The following WDR33 variants were observed in gnomAD, a reference collection of about 807,000 sequenced individuals.
WDR33 encodes the protein pre-mRNA 3' end processing protein WDR33.
A neutral mutation model predicts 164.9 loss-of-function variants in WDR33; 47 were observed. The observed-to-expected ratio is 0.29, with a 90% confidence interval of 0.23 to 0.36. The LOEUF is 0.36. WDR33 is among the 10% of genes least tolerant of loss of function. The probability of loss-of-function intolerance (pLI) is 1.00; values close to 1 mark genes in which losing one functional copy is unlikely to be tolerated. For synonymous variants in WDR33, 505 were observed against 589.0 expected, an observed-to-expected ratio of 0.86 and a Z score of 2.06; for missense variants, 1,137 against 1,754.1, an observed-to-expected ratio of 0.65 and a Z score of 6.28.
At chr2:127,740,372 C>T (rs182042896) in intron 7 of WDR33, among the ~76,000 whole-genome samples, 7 of 150,242 alleles carry the variant, frequency 4.7e-5, no homozygotes, top group Non-Finnish European at 5.9e-5. Flanking sequence ...CACACACACA[C>T]GGATTTGTAT....
At chr2:127,788,253 C>G (rs1473906100) in intron 1 of WDR33, among the ~76,000 whole-genome samples, 306 of 128,484 alleles carry the variant, frequency 2.4e-3, no homozygotes, top group African/African-American at 6.4e-3. Context: ...GGGCTGACCC[C>G]CCCCACCTCC....
chr2:127,765,074 T>G, intron 5 of WDR33, 95 bp from the exon 6 acceptor site: 1 of 1,552,234 alleles, frequency 6.4e-7, no homozygotes. Context: ...GAGGTAATAA[T>G]TCGTCCCAAT....
intron 1 of WDR33, among the ~76,000 whole-genome samples, chr2:127,794,464 G>A (rs921210857): frequency 2.0e-5 from 3 of 151,612 alleles, no homozygotes; most frequent in South Asian, 2.1e-4. Context: ...TTGCACCATC[G>A]CACCCCAGCC....
rs563228595 is a variant in WDR33 at position 127,721,466 on chromosome 2, G to A, written c.1671+370C>T. ...AAGGAAGTCACTTAAAAAAAAATTA[G>A]TCAGACGTGATGGTGCATGCCTGTG... On this transcript the variant is annotated intron_variant, in intron 15 of 21. Coordinates refer to ENST00000322313, the MANE Select transcript of WDR33 (RefSeq NM_018383.5). The surrounding 1 kb of genome is among the most constrained non-coding windows in gnomAD (Gnocchi z 4.9). 7.9e-4 allele frequency among the ~76,000 whole-genome samples: 120 copies of A among 152,228 alleles called. No individual in the cohort carries two copies. Among genetic ancestry groups the A allele is most frequent in the Admixed American group, 2.0e-3 (31 of 15,290 alleles).
intron 7 of WDR33, among the ~76,000 whole-genome samples, chr2:127,742,178 A>C (rs1480392884): frequency 1.3e-5 from 2 of 151,540 alleles, no homozygotes; most frequent in Non-Finnish European, 2.9e-5. Context: ...GTGCCATTGC[A>C]CTCCAGCCTG....
rs1686222704 is a variant in WDR33, at chr2:127,713,281, G to T, written c.3308+302C>A. 6.6e-6 allele frequency among the ~76,000 whole-genome samples: 1 copy of T among 152,032 alleles called. No individual in the cohort carries two copies. Among genetic ancestry groups the T allele is most frequent in the Non-Finnish European group, 1.5e-5 (1 of 68,018 alleles). ...CCTTATTCTAATCAAGAAGAACCTG[G>T]AAATTTTAAGTCAGATCCCAGCAAG... On this transcript the variant is annotated intron_variant, in intron 18 of 21. Transcript: ENST00000322313. The surrounding 1 kb of genome is among the most constrained non-coding windows in gnomAD (Gnocchi z 6.2).
chr2:127,782,395 A>C (rs915657745), intron 1 of WDR33, among the ~76,000 whole-genome samples: 1 of 151,924 alleles, frequency 6.6e-6, no homozygotes, highest in African/African-American at 2.4e-5. Flanking sequence ...GCATGATCTC[A>C]AATTTGCAGA....
chr2:127,713,896 G>A lies in WDR33; in HGVS notation c.2995C>T (p.Pro999Ser), dbSNP rs755238075. ...GGGTGAGGGCCACGCCTATCAGGGGGACCCCTGCAGTCCTGGCCACCCCGG... is the reference window on the plus strand; with the variant it reads ...GGGTGAGGGCCACGCCTATCAGGGGAACCCCTGCAGTCCTGGCCACCCCGG... ...PFRGGQDCRG[P>S]PDRRGPHPDF... Residue 999 changes from proline (P) to serine (S), a missense_variant, in exon 18 of 22, where the codon CCC (proline) becomes TCC (serine). Pro to Ser is a moderately conservative substitution (Grantham distance 74, BLOSUM62 -1). Transcript: ENST00000322313. This position sits in a 1 kb window ranked among gnomAD's most constrained non-coding sequence, Gnocchi z 6.2. 3.1e-6 allele frequency: 5 copies of A among 1,614,010 alleles called. No homozygotes were observed. Among genetic ancestry groups the A allele is most frequent in the South Asian group, 2.2e-5 (2 of 91,080 alleles).
At chr2:127,793,771 T>C (rs1296026657) in intron 1 of WDR33, among the ~76,000 whole-genome samples, 1 of 151,738 alleles carries the variant, frequency 6.6e-6, no homozygotes, top group Non-Finnish European at 1.5e-5. Context: ...AAAGACTCAA[T>C]GTAAAACAGT....
chr2:127,765,084 T>C, intron 5 of WDR33, 90 bp downstream of exon 5: 1 of 1,558,476 alleles, frequency 6.4e-7, no homozygotes, highest in Non-Finnish European at 8.8e-7. Flanking sequence ...TTCGTCCCAA[T>C]TCTAAGTTTA....
chr2:127,744,125 T>A (rs1296282321), intron 7 of WDR33, among the ~76,000 whole-genome samples: 3 of 152,216 alleles, frequency 2.0e-5, no homozygotes, highest in Admixed American at 6.5e-5. Flanking sequence ...TATTTTCAGT[T>A]TGGCTAGATG....
At chr2:127,801,728 C>T (rs142086397) in intron 1 of WDR33, among the ~76,000 whole-genome samples, 3,579 of 151,946 alleles carry the variant, frequency 0.024, 138 homozygotes, top group African/African-American at 0.081. Context: ...ACTAAAAATA[C>T]AAAAAATTAG....
intron 1 of WDR33, among the ~76,000 whole-genome samples, chr2:127,800,123 A>C (rs1689183986): frequency 6.6e-6 from 1 of 152,232 alleles, no homozygotes; most frequent in Non-Finnish European, 1.5e-5. Context: ...ATGTCAAAAT[A>C]CCATGTGACC....
intron 1 of WDR33, among the ~76,000 whole-genome samples, chr2:127,783,690 C>T (rs759974367): frequency 7.0e-6 from 1 of 143,478 alleles, no homozygotes; most frequent in Non-Finnish European, 1.5e-5. Flanking sequence ...CTGCGACCTC[C>T]GCCTCCTAGG....
At position 127,750,702 on chromosome 2, in the gene WDR33, ATATATATATATG is replaced by A. The variant is rs1432580166; in HGVS notation, c.724+12348_724+12359del. On this transcript the variant is annotated intron_variant, in intron 7 of 21. Coordinates refer to ENST00000322313, the MANE Select transcript of WDR33 (RefSeq NM_018383.5). ...AATATATATATATATATATATATAT[ATATATATATATG>A]TATGTATGCATACATATATATGTAT... is the stretch of plus-strand genomic sequence containing the variant. Among the ~76,000 whole-genome samples, 184 of 58,738 alleles carry A rather than the reference ATATATATATATG, an allele frequency of 3.1e-3. 3 individuals are homozygous for A. Among genetic ancestry groups the A allele is most frequent in the African/African-American group, 6.4e-3 (59 of 9,256 alleles). The allele number at this position is 58,738 out of a possible 152,430, so 38.5% of individuals were successfully genotyped here. A position where few individuals can be genotyped will look rare whatever the true frequency, so the allele number is the denominator to read the frequency against.
At chr2:127,715,564 GATCCTAGCTCCAT>G (rs1686280518) in intron 17 of WDR33, among the ~76,000 whole-genome samples, 1 of 152,150 alleles carries the variant, frequency 6.6e-6, no homozygotes, top group Admixed American at 6.5e-5. Context: ...AGTTTGCAAA[GATCCTAGCTCCAT>G]TTCCTTCTGG....
chr2:127,768,365 G>T, intron 3 of WDR33, 72 bp from the exon 4 acceptor site: 1 of 866,538 alleles, frequency 1.2e-6, no homozygotes, highest in Non-Finnish European at 1.7e-6. Flanking sequence ...ACACGGCAAG[G>T]TAATTATTTC....
chr2:127,703,463 C>G lies in WDR33; in HGVS notation c.*2860G>C, dbSNP rs542148397. On this transcript the variant is annotated 3_prime_UTR_variant, in exon 22 of 22. Transcript: ENST00000322313. The stretch of plus-strand genomic sequence containing the variant: ...CGCAGTAGAGCACTGCTGCTTCCTC[C>G]AACCCCAAAATTTATGTTCCTAAGT... 1 of 167,224 alleles carries G rather than the reference C, an allele frequency of 6.0e-6. No individual in the cohort carries two copies. Among genetic ancestry groups the G allele is most frequent in the African/African-American group, 2.4e-5 (1 of 41,572 alleles). The allele number at this position is 167,224 out of a possible 1,614,324, so 10.4% of individuals were successfully genotyped here.
At chr2:127,711,769 TATATATATATA>T (rs1558919354) in intron 18 of WDR33, among the ~76,000 whole-genome samples, 13 of 92,346 alleles carry the variant, frequency 1.4e-4, no homozygotes, top group African/African-American at 6.8e-4. Context: ...TATATATATA[TATATATATATA>T]TTTTTTTTTT....
Sources: allele counts gnomAD v4.1 joint callset (sites outside exome capture counted in the v4.1 genomes callset), GRCh38; gene constraint gnomAD v4.1.1; non-coding constraint Gnocchi (gnomAD v3.1); transcripts MANE v1.5; gene names NCBI Gene and HGNC (gene_info 2026-07-23, HGNC 2026-07-21).